The following ANKRD54 variants were observed in gnomAD, a reference collection of about 807,000 sequenced individuals.
ANKRD54 encodes the protein ankyrin repeat domain 54.
A neutral mutation model predicts 36.2 loss-of-function variants in ANKRD54; 26 were observed. The observed-to-expected ratio is 0.72, with a 90% CI of 0.53 to 1.00. ANKRD54 has a LOEUF of 1.00. Ranked by LOEUF, ANKRD54 falls within the 50% of genes least tolerant of loss-of-function variation. ANKRD54 has a pLI of 0.00. For missense variants in ANKRD54, 384 were observed against 424.3 expected (o/e 0.91, Z 0.83); for synonymous variants, 209 against 188.4 (o/e 1.11, Z -0.89).
rs1354798461 is a variant in ANKRD54 at position 37,838,560 on chromosome 22, C to G, written c.415G>C (p.Ala139Pro). 2 of 1,611,326 alleles carry G rather than the reference C, an allele frequency of 1.2e-6. No homozygotes were observed. The highest frequency in any genetic ancestry group is 2.2e-5 in the South Asian group (2 of 90,406). The change falls in exon 3 of 8, where the codon GCT becomes CCT. Residue 139 changes from alanine (A) to proline (P), a missense_variant. Physicochemically the swap from Ala to Pro is conservative, Grantham distance 27 (BLOSUM62 -1). Transcript: ENST00000215941. ...AGAGCTGTGCGGCCCTTGTCATCAG[C>G]TGCACAGGGATCCGCGCCATCTTCC... Reference protein sequence around the residue: ...LLEDGADPCAADDKGRTALHF... With the variant: ...LLEDGADPCAPDDKGRTALHF...
upstream of ANKRD54, among the ~76,000 whole-genome samples, chr22:37,847,388 C>T (rs1924898613): frequency 6.6e-6 from 1 of 151,948 alleles, no homozygotes. Flanking sequence ...TCTCGAACTC[C>T]TGACCTCAGG....
rs1456473318 is a variant in ANKRD54, at chr22:37,832,667, G to A, written c.798C>T (p.Thr266=). 1 of 1,614,114 alleles carries A rather than the reference G, an allele frequency of 6.2e-7. No individual in the cohort carries two copies. The highest frequency in any genetic ancestry group is 8.5e-7 in the Non-Finnish European group (1 of 1,180,020). The part of the protein sequence containing the change: ...EQRERLDDLC[T]RLQMTSTKEQ... ...CTTTGGTACTGGTCATCTGCAGGCGGGTGCAGAGGTCATCCAGGCGTTCTC... is the reference window on the plus strand; with the variant it reads ...CTTTGGTACTGGTCATCTGCAGGCGAGTGCAGAGGTCATCCAGGCGTTCTC... Residue 266 remains threonine, a synonymous_variant, in exon 7 of 8, where the codon ACC becomes ACT. Transcript: ENST00000215941.
At position 37,831,814 on chromosome 22, in the gene ANKRD54, C is replaced by G. The variant is rs3091367; in HGVS notation, c.*129G>C. 215,897 of 890,492 alleles carry G rather than the reference C, an allele frequency of 0.24. 27,556 individuals carry two copies. The highest frequency in any genetic ancestry group is 0.35 in the African/African-American group (21,179 of 60,020). The allele number at this position is 890,492 out of a possible 1,614,324, so 55.2% of individuals were successfully genotyped here. A position where few individuals can be genotyped will look rare whatever the true frequency, so the allele number is the denominator to read the frequency against. Reference sequence around the variant, plus strand: ...AGAGAGCATCTCTGCCCCACGGCATCTGCGGGTGAGGGCAAGGTCCTCACC... The same window carrying G: ...AGAGAGCATCTCTGCCCCACGGCATGTGCGGGTGAGGGCAAGGTCCTCACC... On this transcript the variant is annotated 3_prime_UTR_variant, in exon 8 of 8. Coordinates refer to ENST00000215941, the MANE Select transcript of ANKRD54 (RefSeq NM_138797.4).
At chr22:37,836,310 G>T (rs1321289827) in intron 3 of ANKRD54, among the ~76,000 whole-genome samples, 2 of 150,762 alleles carry the variant, frequency 1.3e-5, no homozygotes, top group Non-Finnish European at 3.0e-5. Flanking sequence ...GCCGGGCGTA[G>T]TGGCGCATGC....
intron 1 of ANKRD54, among the ~76,000 whole-genome samples, chr22:37,842,617 C>T (rs1351779976): frequency 6.6e-6 from 1 of 152,196 alleles, no homozygotes; most frequent in Non-Finnish European, 1.5e-5. Context: ...CCTCCAATGG[C>T]TAATGGAAAG....
Position 37,844,089 on chromosome 22 carries a change from G to A in ANKRD54, c.150C>T (p.Gly50=). ...ADFGSALGGG[G]AGLSGRASGG... ...CGGACGCCCGGCCCGAGAGGCCCGC[G>A]CCGCCGCCGCCCAGCGCAGACCCGA... Residue 50 remains glycine, a synonymous_variant, in exon 1 of 8, where the codon GGC becomes GGT. Coordinates refer to ENST00000215941, the MANE Select transcript of ANKRD54 (RefSeq NM_138797.4). 2 of 1,446,846 alleles carry A rather than the reference G, an allele frequency of 1.4e-6. No individual in the cohort carries two copies. The highest frequency in any genetic ancestry group is 1.5e-5 in the African/African-American group (1 of 67,100). 89.6% of individuals were successfully genotyped at this position (1,446,846 alleles called of 1,614,324 possible). A position where few individuals can be genotyped will look rare whatever the true frequency, so the allele number is the denominator to read the frequency against.
intron 2 of ANKRD54, among the ~76,000 whole-genome samples, 200 bp downstream of exon 2, chr22:37,839,987 G>A (rs1403297910): frequency 6.6e-6 from 1 of 152,260 alleles, no homozygotes; most frequent in African/African-American, 2.4e-5. Context: ...AGTTCAAAGT[G>A]ACAGGGGAGC....
upstream of ANKRD54, chr22:37,848,992 C>T (rs954000778): frequency 7.9e-6 from 2 of 251,608 alleles, no homozygotes; most frequent in Admixed American, 1.1e-4. Context: ...TTGTAACCCT[C>T]TTATTCTTTT....
At chr22:37,844,701 C>G (rs1034336560), upstream of ANKRD54, among the ~76,000 whole-genome samples, 2 of 152,132 alleles carry the variant, frequency 1.3e-5, no homozygotes, top group Admixed American at 1.3e-4. Context: ...TCCCGAGTAG[C>G]TGGGACTACA....
At chr22:37,835,237 C>G (rs1242637400) in intron 3 of ANKRD54, among the ~76,000 whole-genome samples, 2 of 152,022 alleles carry the variant, frequency 1.3e-5, no homozygotes, top group African/African-American at 4.8e-5. Context: ...TGACACGCAT[C>G]TGTAATCCCA....
chr22:37,836,776 C>G (rs1455573496), intron 3 of ANKRD54, among the ~76,000 whole-genome samples: 1 of 151,816 alleles, frequency 6.6e-6, no homozygotes, highest in Non-Finnish European at 1.5e-5. Context: ...CACCTGTAAT[C>G]CCAGCACTTT....
At position 37,838,451 on chromosome 22, in the gene ANKRD54, G is replaced by A. The variant is rs369316682; in HGVS notation, c.475+49C>T. Reference sequence around the variant, plus strand: ...CAGCGCCTCCCCCAAGGCCTGTGCAGAGACACTACTTGCCTAGCCCTACTC... The same window carrying A: ...CAGCGCCTCCCCCAAGGCCTGTGCAAAGACACTACTTGCCTAGCCCTACTC... On this transcript the variant is annotated intron_variant, in intron 3 of 7. Coordinates refer to ENST00000215941, the MANE Select transcript of ANKRD54 (RefSeq NM_138797.4). The A allele has an allele frequency of 6.7e-5, 104 of 1,549,946 alleles. No homozygotes were observed. The African/African-American group carries it at 1.3e-3, about 20-fold the overall frequency.
chr22:37,831,952 C>T lies in ANKRD54; in HGVS notation c.894G>A (p.Glu298=), dbSNP rs754720500. 4.3e-6 allele frequency: 7 copies of T among 1,613,612 alleles called. No individual in the cohort carries two copies. The highest frequency in any genetic ancestry group is 1.7e-5 in the Admixed American group (1 of 59,966). The change falls in exon 8 of 8, where the codon GAG becomes GAA. Residue 298 remains glutamate, a synonymous_variant. Transcript: ENST00000215941. Reference sequence around the variant, plus strand: ...CAGGGAGCCTCTCTTGCTACCTCTTCTCCATGCTCTGCATCTGCAGACTGA... The same window carrying T: ...CAGGGAGCCTCTCTTGCTACCTCTTTTCCATGCTCTGCATCTGCAGACTGA... ...TSLSLQMQSM[E]KR
At chr22:37,843,462 T>A (rs891151298) in intron 1 of ANKRD54, among the ~76,000 whole-genome samples, 1 of 151,818 alleles carries the variant, frequency 6.6e-6, no homozygotes, top group Non-Finnish European at 1.5e-5. Flanking sequence ...AATAAAAAAA[T>A]TTAAAAAGAA....
At chr22:37,833,584 TCA>T (rs1923164889) in intron 4 of ANKRD54, 98 bp downstream of exon 4, 9 of 1,282,902 alleles carry the variant, frequency 7.0e-6, no homozygotes, top group Admixed American at 5.6e-5. Flanking sequence ...TCCCTGACAC[TCA>T]CAGTTTCTGC....
Position 37,844,208 on chromosome 22 carries a change from C to A in ANKRD54, c.31G>T (p.Glu11Ter). MAAAAGDADD[E>*]PRSGHSSSEG... ...GAGCTCGAGTGGCCTGAGCGCGGCT[C>A]GTCGTCCGCGTCCCCGGCGGCGGCT... is the stretch of plus-strand genomic sequence containing the variant. The change falls in exon 1 of 8, where the codon GAG becomes TAG. Residue 11 changes from glutamate to a stop codon, truncating the protein, a stop_gained. Transcript: ENST00000215941. LOFTEE classifies it high-confidence loss of function. 1 of 1,522,942 alleles carries A rather than the reference C, an allele frequency of 6.6e-7. No homozygotes were observed. Among genetic ancestry groups the A allele is most frequent in the Admixed American group, 2.0e-5 (1 of 49,892 alleles). 94.3% of individuals were successfully genotyped at this position (1,522,942 alleles called of 1,614,324 possible).
At chr22:37,847,002 C>T (rs1459841958), upstream of ANKRD54, among the ~76,000 whole-genome samples, 1 of 145,644 alleles carries the variant, frequency 6.9e-6, no homozygotes, top group Non-Finnish European at 1.5e-5. Context: ...TACAGGCGCC[C>T]GCCACTACGC....
upstream of ANKRD54, among the ~76,000 whole-genome samples, chr22:37,846,374 A>T (rs1338027290): frequency 1.3e-5 from 2 of 152,062 alleles, no homozygotes; most frequent in Non-Finnish European, 2.9e-5. Context: ...GCTGGAGTGC[A>T]GTGGTGTGAT....
Position 37,844,328 on chromosome 22 carries a change from G to A in ANKRD54, c.-90C>T. On this transcript the variant is annotated 5_prime_UTR_variant, in exon 1 of 8. Coordinates refer to ENST00000215941, the MANE Select transcript of ANKRD54 (RefSeq NM_138797.4). ...CCCTCCGCCCTGAGTCGTGCTGTCA[G>A]CGAGCTGGCGGGCGGGCAGGGCCCG... The A allele has an allele frequency of 2.1e-6, 3 of 1,422,966 alleles. No homozygotes were observed. The highest frequency in any genetic ancestry group is 2.8e-6 in the Non-Finnish European group (3 of 1,073,004). 88.1% of individuals were successfully genotyped at this position (1,422,966 alleles called of 1,614,324 possible).
Sources: gnomAD v4.1 joint callset for allele counts (sites outside exome capture counted in the v4.1 genomes callset) on GRCh38, gnomAD v4.1.1 for gene constraint, MANE v1.5 for transcripts, NCBI Gene and HGNC (gene_info 2026-07-23, HGNC 2026-07-21) for gene names.